Variants in SGCD observed in about 807,000 individuals in gnomAD.
The protein encoded by SGCD is delta-sarcoglycan.
Under a neutral mutation model 36.6 loss-of-function variants are expected in SGCD, and 18 were observed. The ratio of observed to expected loss-of-function variants is 0.49; its 90% CI spans 0.34 to 0.73. The LOEUF (loss-of-function observed/expected upper bound fraction) is 0.73. Among genes scored for constraint, SGCD ranks in the 30% least tolerant of loss-of-function variants. The probability of loss-of-function intolerance (pLI) is 0.01; values close to 1 mark genes in which losing one functional copy is unlikely to be tolerated. For missense variants in SGCD, 387 were observed against 346.7 expected (o/e 1.12, Z -0.92); for synonymous variants, 133 against 130.6 (o/e 1.02, Z -0.12).
chr5:156,423,344 A>G (rs377625573), intron 3 of SGCD, among the ~76,000 whole-genome samples: 1 of 53,554 alleles, frequency 1.9e-5, no homozygotes, highest in African/African-American at 7.7e-5. Flanking sequence ...AATATAATAT[A>G]TTATAATTTT....
At chr5:155,933,464 T>C (rs1757136538) in intron 1 of SGCD, among the ~76,000 whole-genome samples, 1 of 152,212 alleles carries the variant, frequency 6.6e-6, no homozygotes, top group Non-Finnish European at 1.5e-5. Flanking sequence ...ACATAGAGTA[T>C]CTTGTCTTTC....
chr5:156,406,790 TTATATATATATATATA>T (rs200600544), intron 3 of SGCD, among the ~76,000 whole-genome samples: 2,260 of 75,668 alleles, frequency 0.03, 193 homozygotes, highest in African/African-American at 0.11. Flanking sequence ...ATAGGAGATT[TTATATATATATATATA>T]TATATATATA....
At chr5:156,027,902 T>C (rs1015886709) in intron 1 of SGCD, among the ~76,000 whole-genome samples, 1 of 152,200 alleles carries the variant, frequency 6.6e-6, no homozygotes, top group African/African-American at 2.4e-5. Flanking sequence ...ATGCAAACAC[T>C]GTATACTCAT....
intron 7 of SGCD, among the ~76,000 whole-genome samples, chr5:156,748,769 C>T (rs544849633): frequency 6.6e-6 from 1 of 152,260 alleles, no homozygotes; most frequent in South Asian, 2.1e-4. Flanking sequence ...AAGATTTATA[C>T]ATACTGAGAC....
At chr5:156,440,507 C>A (rs1433785412) in intron 3 of SGCD, among the ~76,000 whole-genome samples, 1 of 152,124 alleles carries the variant, frequency 6.6e-6, no homozygotes, top group Admixed American at 6.6e-5. Context: ...TATATGGCAA[C>A]TCCAGGTTTA....
intron 3 of SGCD, among the ~76,000 whole-genome samples, chr5:156,274,318 C>T (rs1766260192): frequency 6.6e-6 from 1 of 152,044 alleles, no homozygotes; most frequent in Non-Finnish European, 1.5e-5. Flanking sequence ...CCCTTTATGA[C>T]CTTGCATTAT....
chr5:156,130,587 G>A (rs756055351), intron 3 of SGCD, among the ~76,000 whole-genome samples: 2 of 152,092 alleles, frequency 1.3e-5, no homozygotes, highest in African/African-American at 2.4e-5. Context: ...GAATGGTATT[G>A]CCTAAGTTGT....
chr5:156,019,114 C>T (rs1376743286), intron 1 of SGCD, among the ~76,000 whole-genome samples: 1 of 152,142 alleles, frequency 6.6e-6, no homozygotes, highest in Non-Finnish European at 1.5e-5. Context: ...TAATGAAAAT[C>T]ACTGATGGCT....
At chr5:156,568,815 T>G (rs1039831135) in intron 4 of SGCD, among the ~76,000 whole-genome samples, 1 of 152,216 alleles carries the variant, frequency 6.6e-6, no homozygotes, top group African/African-American at 2.4e-5. Flanking sequence ...CCACATTTGT[T>G]TCAGTTTCTC....
At chr5:156,663,525 GTAA>G (rs1281764714) in intron 7 of SGCD, among the ~76,000 whole-genome samples, 1 of 148,444 alleles carries the variant, frequency 6.7e-6, no homozygotes, top group Non-Finnish European at 1.5e-5. Flanking sequence ...TATGGCAGGA[GTAA>G]TAATTGAGCA....
At chr5:156,414,313 C>T (rs1255654273) in intron 3 of SGCD, among the ~76,000 whole-genome samples, 2 of 152,172 alleles carry the variant, frequency 1.3e-5, no homozygotes, top group African/African-American at 4.8e-5. Flanking sequence ...CTTATAATCT[C>T]AGCCTATAAA....
intron 1 of SGCD, among the ~76,000 whole-genome samples, chr5:156,041,823 GAAT>G (rs1312472005): frequency 1.3e-5 from 2 of 152,200 alleles, no homozygotes; most frequent in African/African-American, 4.8e-5. Flanking sequence ...GTTCCAGAAA[GAAT>G]AGTAACTTCT....
At chr5:156,025,920 A>G (rs574491867) in intron 1 of SGCD, among the ~76,000 whole-genome samples, 13 of 152,354 alleles carry the variant, frequency 8.5e-5, no homozygotes, top group Non-Finnish European at 4.4e-5. Flanking sequence ...TTAAAAGTAT[A>G]GGAGATGAAA....
chr5:156,579,343 A>G (rs1452013511), intron 4 of SGCD, among the ~76,000 whole-genome samples: 1 of 152,146 alleles, frequency 6.6e-6, no homozygotes, highest in Non-Finnish European at 1.5e-5. Flanking sequence ...TATGTGGTCA[A>G]TTTTGGAAGA....
chr5:156,323,140 T>C (rs1326875772), upstream of SGCD, among the ~76,000 whole-genome samples: 1 of 152,150 alleles, frequency 6.6e-6, no homozygotes, highest in African/African-American at 2.4e-5. Flanking sequence ...CATAGAGTGG[T>C]CCAAGCTGAC....
chr5:155,770,337 G>T, the SGCD span, among the ~76,000 whole-genome samples: 2 of 150,060 alleles, frequency 1.3e-5, no homozygotes, highest in Non-Finnish European at 3.0e-5. Flanking sequence ...GACTTGAAGA[G>T]CATAAAGGAG....
intron 1 of SGCD, among the ~76,000 whole-genome samples, chr5:156,049,042 T>A (rs938177221): frequency 2.7e-5 from 4 of 146,792 alleles, no homozygotes; most frequent in African/African-American, 9.8e-5. Context: ...TTTCTACATA[T>A]GGCTAGCCAG....
At chr5:156,009,609 A>G (rs747521602) in intron 1 of SGCD, among the ~76,000 whole-genome samples, 36 of 152,234 alleles carry the variant, frequency 2.4e-4, no homozygotes, top group Non-Finnish European at 4.9e-4. Flanking sequence ...CATTTGATAC[A>G]TAAAACATAT....
chr5:156,068,096 A>G (rs564888946), intron 1 of SGCD, among the ~76,000 whole-genome samples: 4 of 150,074 alleles, frequency 2.7e-5, no homozygotes, highest in Non-Finnish European at 5.9e-5. Context: ...CTAGAATTTT[A>G]TATTTTTATT....
Sources: allele counts gnomAD v4.1 joint callset (sites outside exome capture counted in the v4.1 genomes callset), GRCh38; gene constraint gnomAD v4.1.1; transcripts MANE v1.5; gene names NCBI Gene and HGNC (gene_info 2026-07-23, HGNC 2026-07-21).